Variants in SNX14 observed in about 807,000 individuals in gnomAD.
SNX14 encodes the protein sorting nexin 14.
In SNX14, 93 loss-of-function variants were observed where a neutral mutation model predicts 133.8. That is an observed-to-expected ratio of 0.70 (90% CI 0.59 to 0.83). The LOEUF (loss-of-function observed/expected upper bound fraction) is 0.83. Ranked by LOEUF, SNX14 falls within the 40% of genes least tolerant of loss-of-function variation. The pLI is 0.00. For synonymous variants in SNX14, 368 were observed against 365.6 expected (o/e 1.01, Z -0.07); for missense variants, 945 against 1,094.9 (o/e 0.86, Z 1.93).
intron 27 of SNX14, among the ~76,000 whole-genome samples, 173 bp from the exon 28 acceptor site, chr6:85,507,462 A>G (rs1771099582): frequency 6.6e-6 from 1 of 152,144 alleles, no homozygotes. Context: ...ATAATGTTCT[A>G]TTCTCAAAAT....
Position 85,593,731 on chromosome 6 carries a change from G to T in SNX14, c.-13C>A. Reference sequence around the variant, plus strand: ...CCCAGGGCACCATCTCCGTAACGGCGAGGCCGAGACTGCGCTACTGGCTGA... The same window carrying T: ...CCCAGGGCACCATCTCCGTAACGGCTAGGCCGAGACTGCGCTACTGGCTGA... On this transcript the variant is annotated 5_prime_UTR_variant, in exon 1 of 29. Coordinates refer to ENST00000314673, the MANE Select transcript of SNX14 (RefSeq NM_153816.6). 1 of 1,613,292 alleles carries T rather than the reference G, an allele frequency of 6.2e-7. No individual in the cohort carries two copies. The highest frequency in any genetic ancestry group is 8.5e-7 in the Non-Finnish European group (1 of 1,179,914).
At chr6:85,546,253 T>C (rs1383028735) in intron 12 of SNX14, among the ~76,000 whole-genome samples, 1 of 152,214 alleles carries the variant, frequency 6.6e-6, no homozygotes, top group Non-Finnish European at 1.5e-5. Context: ...GCAGGTTACG[T>C]GGATGTACAC....
chr6:85,585,854 T>C (rs1419315607), intron 1 of SNX14, among the ~76,000 whole-genome samples: 2 of 152,142 alleles, frequency 1.3e-5, no homozygotes, highest in Non-Finnish European at 2.9e-5. Context: ...AAGAGTAAGT[T>C]TGTTGGACAC....
At position 85,592,115 on chromosome 6, in the gene SNX14, A is replaced by G. The variant is rs112351636; in HGVS notation, c.140+1464T>C. Among the ~76,000 whole-genome samples, 278 of 152,388 alleles carry G rather than the reference A, an allele frequency of 1.8e-3. 4 individuals are homozygous for G. The highest frequency in any genetic ancestry group is 6.3e-3 in the African/African-American group (262 of 41,598). Reference sequence around the variant, plus strand: ...CCTTCCAGATGACAGAAAGCAAATAATAATTAGTGTTCCCTCTGTTAAGGA... The same window carrying G: ...CCTTCCAGATGACAGAAAGCAAATAGTAATTAGTGTTCCCTCTGTTAAGGA... On this transcript the variant is annotated intron_variant, in intron 1 of 28. Coordinates refer to ENST00000314673, the MANE Select transcript of SNX14 (RefSeq NM_153816.6).
chr6:85,572,834 C>T (rs1796110862), intron 2 of SNX14, among the ~76,000 whole-genome samples: 1 of 152,028 alleles, frequency 6.6e-6, no homozygotes, highest in Non-Finnish European at 1.5e-5. Context: ...TGGCACATGC[C>T]TATAATCCCA....
At chr6:85,538,358 A>G (rs1424612884) in intron 16 of SNX14, among the ~76,000 whole-genome samples, 1 of 152,162 alleles carries the variant, frequency 6.6e-6, no homozygotes, top group Non-Finnish European at 1.5e-5. Flanking sequence ...ATATTTTTAA[A>G]ATCTCTAGAC....
At chr6:85,585,096 G>A (rs1213950586) in intron 1 of SNX14, among the ~76,000 whole-genome samples, 1 of 152,138 alleles carries the variant, frequency 6.6e-6, no homozygotes, top group Non-Finnish European at 1.5e-5. Flanking sequence ...GAACATGGAT[G>A]AAGCTGGAAA....
At chr6:85,573,511 C>T (rs1323152199) in intron 2 of SNX14, among the ~76,000 whole-genome samples, 1 of 151,950 alleles carries the variant, frequency 6.6e-6, no homozygotes, top group African/African-American at 2.4e-5. Context: ...AAAAGATATC[C>T]CACTAAACCC....
intron 1 of SNX14, among the ~76,000 whole-genome samples, chr6:85,577,247 C>T (rs1045275157): frequency 6.6e-6 from 1 of 152,048 alleles, no homozygotes; most frequent in African/African-American, 2.4e-5. Flanking sequence ...AACCGCATCT[C>T]TACTAAAAAT....
At chr6:85,531,055 T>C (rs1272965475) in intron 18 of SNX14, among the ~76,000 whole-genome samples, 3 of 152,232 alleles carry the variant, frequency 2.0e-5, no homozygotes, top group Admixed American at 2.0e-4. Flanking sequence ...ACTAGCCACA[T>C]GTTGCCACTG....
intron 17 of SNX14, among the ~76,000 whole-genome samples, chr6:85,535,109 G>C (rs900668392): frequency 9.4e-5 from 14 of 148,266 alleles, no homozygotes; most frequent in African/African-American, 3.2e-4. Flanking sequence ...GCTCACTGCA[G>C]CCTTGACCTC....
intron 1 of SNX14, among the ~76,000 whole-genome samples, chr6:85,592,895 C>A (rs895065064): frequency 1.3e-5 from 2 of 151,712 alleles, no homozygotes; most frequent in Admixed American, 6.6e-5. Context: ...GCGCCTGTAG[C>A]CCCAGCTACT....
chr6:85,526,869 G>C (rs1778646608), intron 20 of SNX14, among the ~76,000 whole-genome samples: 1 of 152,136 alleles, frequency 6.6e-6, no homozygotes, highest in Non-Finnish European at 1.5e-5. Context: ...AGGAGTTCGA[G>C]ACCAGCCTAG....
At chr6:85,535,164 C>T (rs761609108) in intron 17 of SNX14, among the ~76,000 whole-genome samples, 2 of 151,702 alleles carry the variant, frequency 1.3e-5, no homozygotes, top group Non-Finnish European at 2.9e-5. Flanking sequence ...TACAGTTGGG[C>T]ACCATCACAC....
chr6:85,525,641 G>C (rs929997778), intron 21 of SNX14, among the ~76,000 whole-genome samples: 3 of 152,030 alleles, frequency 2.0e-5, no homozygotes, highest in Non-Finnish European at 2.9e-5. Flanking sequence ...CAAAAATTAG[G>C]TTTTAAGGAA....
intron 1 of SNX14, 43 bp from the exon 2 acceptor site, chr6:85,574,421 C>A (rs887510149): frequency 2.8e-6 from 4 of 1,414,536 alleles, no homozygotes; most frequent in Non-Finnish European, 2.9e-6. Context: ...AAAGAAAATG[C>A]CTAATTCTAA....
At chr6:85,509,281 A>C (rs936048240) in intron 26 of SNX14, among the ~76,000 whole-genome samples, 1 of 152,234 alleles carries the variant, frequency 6.6e-6, no homozygotes. Flanking sequence ...TCTGAGTATC[A>C]AAGCTGAGAC....
At chr6:85,542,687 C>A (rs1199982303) in intron 14 of SNX14, among the ~76,000 whole-genome samples, 1 of 152,226 alleles carries the variant, frequency 6.6e-6, no homozygotes, top group African/African-American at 2.4e-5. Context: ...AGCCACCACA[C>A]CCGGCCTTTG....
intron 7 of SNX14, among the ~76,000 whole-genome samples, chr6:85,553,971 A>G (rs1788766984): frequency 6.6e-6 from 1 of 152,164 alleles, no homozygotes; most frequent in African/African-American, 2.4e-5. Flanking sequence ...ATCCAAGGTG[A>G]TAAGAAATTA....
Sources: allele counts gnomAD v4.1 joint callset (sites outside exome capture counted in the v4.1 genomes callset), GRCh38; gene constraint gnomAD v4.1.1; transcripts MANE v1.5; gene names NCBI Gene and HGNC (gene_info 2026-07-23, HGNC 2026-07-21).